SSBP3: variants seen among roughly 807,000 people sequenced by gnomAD.
The protein encoded by SSBP3 is single-stranded DNA-binding protein 3.
A neutral mutation model predicts 69.6 loss-of-function variants in SSBP3; 5 were observed. The observed-to-expected ratio is 0.07, with a 90% CI of 0.04 to 0.15. SSBP3 has a LOEUF of 0.15. Ranked by LOEUF, SSBP3 falls within the 10% of genes least tolerant of loss-of-function variation. SSBP3 has a pLI of 1.00. For synonymous variants in SSBP3, 196 were observed against 193.4 expected (o/e 1.01, Z -0.11); for missense variants, 312 against 534.0 (o/e 0.58, Z 4.10).
chr1:54,314,289 G>A (rs955108557), intron 4 of SSBP3, among the ~76,000 whole-genome samples: 2 of 152,130 alleles, frequency 1.3e-5, no homozygotes, highest in African/African-American at 2.4e-5. Context: ...AAGTGTATGC[G>A]GGCACACATT....
At chr1:54,403,902 G>A (rs372672496) in intron 3 of SSBP3, among the ~76,000 whole-genome samples, 1 of 151,776 alleles carries the variant, frequency 6.6e-6, no homozygotes, top group Non-Finnish European at 1.5e-5. Context: ...ACACCCAAAG[G>A]ACACAGAGGC....
chr1:54,298,668 C>T (rs1462566538), intron 4 of SSBP3, among the ~76,000 whole-genome samples: 2 of 152,076 alleles, frequency 1.3e-5, no homozygotes, highest in African/African-American at 4.8e-5. Flanking sequence ...CACCTGCTTT[C>T]CATCTCTAGA....
At chr1:54,395,043 T>C (rs1057164505) in intron 4 of SSBP3, among the ~76,000 whole-genome samples, 9 of 151,608 alleles carry the variant, frequency 5.9e-5, no homozygotes, top group African/African-American at 1.7e-4. Flanking sequence ...GGGAATCGCC[T>C]TTGTGGGATT....
At chr1:54,307,426 C>G (rs1454457918) in intron 4 of SSBP3, among the ~76,000 whole-genome samples, 1 of 152,156 alleles carries the variant, frequency 6.6e-6, no homozygotes, top group Non-Finnish European at 1.5e-5. Context: ...GGGCCCAGCA[C>G]AGAATCTACA....
intron 15 of SSBP3, 116 bp from the exon 16 acceptor site, chr1:54,228,593 G>A (rs979713008): frequency 9.3e-6 from 14 of 1,507,186 alleles, no homozygotes; most frequent in Admixed American, 7.7e-5. Context: ...CACACTGTGC[G>A]GAGGGCTTTC....
At chr1:54,251,594 C>T (rs374648159) in intron 9 of SSBP3, 22 bp downstream of exon 9, 25 of 1,550,590 alleles carry the variant, frequency 1.6e-5, no homozygotes, top group East Asian at 4.9e-5. Context: ...GGGAGACGGA[C>T]GGACAGACAG....
intron 7 of SSBP3, among the ~76,000 whole-genome samples, chr1:54,253,298 C>G (rs991890547): frequency 6.7e-6 from 1 of 148,158 alleles, no homozygotes; most frequent in Non-Finnish European, 1.5e-5. Context: ...TTCAAGCAAT[C>G]CTCCTGCCTC....
intron 4 of SSBP3, among the ~76,000 whole-genome samples, chr1:54,386,706 A>ATTTTTTTTTTTTTTTTTTTTTTTTTTTT (rs1648117066): frequency 2.2e-5 from 1 of 45,156 alleles, no homozygotes; most frequent in Non-Finnish European, 3.6e-5. Flanking sequence ...TTTTTTTTTA[A>ATTTTTTTTTTTTTTTTTTTTTTTTTTTT]GAGATGGAGT....
chr1:54,278,028 C>A (rs892347829), intron 5 of SSBP3, among the ~76,000 whole-genome samples: 19 of 152,240 alleles, frequency 1.2e-4, no homozygotes, highest in Admixed American at 3.9e-4. Flanking sequence ...CTGGTCCAGC[C>A]TGCTCCATCT....
chr1:54,292,462 G>A (rs1312032887), intron 4 of SSBP3, among the ~76,000 whole-genome samples: 1 of 152,162 alleles, frequency 6.6e-6, no homozygotes, highest in Non-Finnish European at 1.5e-5. Context: ...TCCAGGCCAT[G>A]TCCTCTACGG....
At chr1:54,403,677 A>ACGACAGGAGACAGGACACAC (rs1279900930) in intron 3 of SSBP3, among the ~76,000 whole-genome samples, 1 of 151,884 alleles carries the variant, frequency 6.6e-6, no homozygotes, top group African/African-American at 2.4e-5. Context: ...TAAGATCCCA[A>ACGACAGGAGACAGGACACAC]CGACAGGAGA....
upstream of SSBP3, among the ~76,000 whole-genome samples, chr1:54,410,586 TC>T (rs914332769): frequency 6.6e-6 from 1 of 152,146 alleles, no homozygotes; most frequent in Non-Finnish European, 1.5e-5. Flanking sequence ...ATCAAAACCT[TC>T]GGGCCGGTCA....
chr1:54,326,242 G>C (rs944219923), intron 4 of SSBP3: 1 of 152,406 alleles, frequency 6.6e-6, no homozygotes, highest in Non-Finnish European at 1.5e-5. Flanking sequence ...AGCAACAAGA[G>C]GGGGAGGCAG....
At chr1:54,261,405 C>G (rs1481035350) in intron 5 of SSBP3, among the ~76,000 whole-genome samples, 1 of 152,180 alleles carries the variant, frequency 6.6e-6, no homozygotes. Context: ...CCCACTCGGG[C>G]AAAAGGCTAC....
intron 14 of SSBP3, 66 bp from the exon 15 acceptor site, chr1:54,228,892 G>A (rs1644334135): frequency 1.7e-5 from 26 of 1,524,312 alleles, no homozygotes; most frequent in Non-Finnish European, 2.3e-5. Context: ...TCACAGGCAG[G>A]GGGCTGCAGC....
chr1:54,405,705 G>C (rs1290640409), intron 1 of SSBP3, among the ~76,000 whole-genome samples: 2 of 151,666 alleles, frequency 1.3e-5, no homozygotes, highest in Non-Finnish European at 2.9e-5. Context: ...CGGCCACCAA[G>C]TACCCCCTCC....
At chr1:54,241,082 G>A (rs1045546387) in intron 12 of SSBP3, 123 bp from the exon 13 acceptor site, 43 of 1,053,094 alleles carry the variant, frequency 4.1e-5, no homozygotes, top group Non-Finnish European at 5.4e-5. Flanking sequence ...TATTCATCTT[G>A]CTACACCCCC....
At chr1:54,386,526 A>T (rs1162736055) in intron 4 of SSBP3, among the ~76,000 whole-genome samples, 1 of 151,896 alleles carries the variant, frequency 6.6e-6, no homozygotes, top group Non-Finnish European at 1.5e-5. Context: ...AAGGTTGCTC[A>T]TATCCCGTAT....
At chr1:54,389,686 G>A (rs1441089379) in intron 4 of SSBP3, among the ~76,000 whole-genome samples, 1 of 151,556 alleles carries the variant, frequency 6.6e-6, no homozygotes, top group Non-Finnish European at 1.5e-5. Context: ...GGCAAACCCT[G>A]TCTCTACCAA....
Sources: allele counts gnomAD v4.1 joint callset (sites outside exome capture counted in the v4.1 genomes callset), GRCh38; gene constraint gnomAD v4.1.1; transcripts MANE v1.5; gene names NCBI Gene and HGNC (gene_info 2026-07-23, HGNC 2026-07-21).